Variants in CHST11 observed in about 807,000 individuals in gnomAD.
CHST11 encodes carbohydrate sulfotransferase 11, also known as C4S-1.
A neutral mutation model predicts 30.4 loss-of-function variants in CHST11; 9 were observed. The observed-to-expected ratio is 0.30, with a 90% CI of 0.18 to 0.52. The LOEUF is 0.52. Among genes scored for constraint, CHST11 ranks in the 20% least tolerant of loss-of-function variants. The probability of loss-of-function intolerance (pLI) is 0.97; values close to 1 mark genes in which losing one functional copy is unlikely to be tolerated. For missense variants in CHST11, 348 were observed against 460.6 expected (o/e 0.76, Z 2.24); for synonymous variants, 152 against 187.8 (o/e 0.81, Z 1.56).
chr12:104,457,437 T>A lies in CHST11; in HGVS notation c.26T>A (p.Met9Lys), dbSNP rs749410967. The change falls in exon 1 of 3, where the codon ATG becomes AAG. Residue 9 changes from methionine to lysine, a missense_variant. Met to Lys is a moderately conservative substitution (Grantham distance 95). Transcript: ENST00000303694. ...ATGAAGCCAGCGCTGCTGGAAGTGATGAGGATGAACAGAATCTGCCGGATG... is the reference window on the plus strand; with the variant it reads ...ATGAAGCCAGCGCTGCTGGAAGTGAAGAGGATGAACAGAATCTGCCGGATG... The part of the protein sequence containing the change: MKPALLEV[M>K]RMNRICRMVL... 25 of 1,614,006 alleles carry A rather than the reference T, an allele frequency of 1.5e-5. No individual in the cohort carries two copies. The highest frequency in any genetic ancestry group is 5.1e-6 in the Non-Finnish European group (6 of 1,179,944).
intron 2 of CHST11, among the ~76,000 whole-genome samples, chr12:104,742,448 G>A (rs375430993): frequency 2.4e-4 from 36 of 152,214 alleles, no homozygotes; most frequent in Middle Eastern, 3.4e-3. Context: ...TGCCAGCAGC[G>A]ACTTCCGAGG....
At chr12:104,609,769 G>A (rs1458464227) in intron 2 of CHST11, among the ~76,000 whole-genome samples, 3 of 152,208 alleles carry the variant, frequency 2.0e-5, no homozygotes, top group East Asian at 1.9e-4. Context: ...GTGTTAATCA[G>A]TAGCCATTCA....
rs960200557 is a variant in CHST11 at position 104,496,471 on chromosome 12, G to A, written c.118+38942G>A. ...TCCCCAAATCAGCTGTAATGTTTGT[G>A]TTGGATTATTGTATTAACAAATGCT... On this transcript the variant is annotated intron_variant, in intron 1 of 2. Coordinates refer to ENST00000303694, the MANE Select transcript of CHST11 (RefSeq NM_018413.6). Among the ~76,000 whole-genome samples, 10 of 152,324 alleles carry A rather than the reference G, an allele frequency of 6.6e-5. No homozygotes were observed. The East Asian group carries it at 1.2e-3, about 18-fold the overall frequency.
At chr12:104,532,542 A>G (rs1324747808) in intron 1 of CHST11, among the ~76,000 whole-genome samples, 1 of 152,056 alleles carries the variant, frequency 6.6e-6, no homozygotes, top group African/African-American at 2.4e-5. Context: ...CTCTCCAGGC[A>G]TGCCATCCTC....
intron 1 of CHST11, among the ~76,000 whole-genome samples, chr12:104,499,990 T>A (rs532665446): frequency 2.6e-5 from 4 of 152,244 alleles, no homozygotes; most frequent in Non-Finnish European, 5.9e-5. Context: ...TGTGGACTTT[T>A]AATCTGGCAC....
intron 2 of CHST11, among the ~76,000 whole-genome samples, chr12:104,667,107 TA>T (rs1488273450): frequency 6.6e-6 from 1 of 152,120 alleles, no homozygotes; most frequent in Non-Finnish European, 1.5e-5. Flanking sequence ...TTTTGAGAGG[TA>T]AGTGACCCTG....
chr12:104,651,676 A>G (rs1323966320), intron 2 of CHST11, among the ~76,000 whole-genome samples: 3 of 152,200 alleles, frequency 2.0e-5, no homozygotes, highest in Non-Finnish European at 4.4e-5. Context: ...AGAAGGTTCT[A>G]AGGAAACAAA....
At chr12:104,719,121 A>G (rs1343177773) in intron 2 of CHST11, among the ~76,000 whole-genome samples, 2 of 152,074 alleles carry the variant, frequency 1.3e-5, no homozygotes, top group Non-Finnish European at 2.9e-5. Flanking sequence ...CGCGGCCCCC[A>G]GGACTCTGCC....
At chr12:104,671,860 G>A (rs370742216) in intron 2 of CHST11, among the ~76,000 whole-genome samples, 1 of 152,184 alleles carries the variant, frequency 6.6e-6, no homozygotes, top group South Asian at 2.1e-4. Context: ...CCTTGTAGGC[G>A]TGTGGCATTG....
intron 2 of CHST11, among the ~76,000 whole-genome samples, chr12:104,641,005 A>C (rs563810347): frequency 6.6e-6 from 1 of 152,196 alleles, no homozygotes; most frequent in South Asian, 2.1e-4. Context: ...GCAGCTGGAC[A>C]TTGGAGACTA....
intron 1 of CHST11, among the ~76,000 whole-genome samples, chr12:104,599,782 G>A (rs1327077087): frequency 1.3e-5 from 2 of 152,170 alleles, no homozygotes; most frequent in African/African-American, 4.8e-5. Flanking sequence ...CAGTTCTCTA[G>A]GGCAAGGGTT....
intron 2 of CHST11, among the ~76,000 whole-genome samples, chr12:104,742,894 T>A (rs553787697): frequency 6.6e-6 from 1 of 152,218 alleles, no homozygotes; most frequent in Non-Finnish European, 1.5e-5. Context: ...GGGCTGAGAG[T>A]CCCCGCTCTT....
intron 2 of CHST11, among the ~76,000 whole-genome samples, chr12:104,719,477 G>A (rs1246695401): frequency 2.0e-5 from 3 of 152,158 alleles, no homozygotes; most frequent in African/African-American, 4.8e-5. Flanking sequence ...ACAGGTGCAC[G>A]CACACAGGGC....
rs181535967 is a variant in CHST11, at chr12:104,559,888, G to A, written c.119-42018G>A. 5.4e-3 allele frequency among the ~76,000 whole-genome samples: 818 copies of A among 152,346 alleles called. 7 individuals carry two copies. The highest frequency in any genetic ancestry group is 0.034 in the Middle Eastern group (10 of 294). ...GCTATAGGTTGGTGCAAAAGTAATT[G>A]TGGTTTTTGCCATTTTAAAAGTAGT... On this transcript the variant is annotated intron_variant, in intron 1 of 2. Coordinates refer to ENST00000303694, the MANE Select transcript of CHST11 (RefSeq NM_018413.6).
chr12:104,570,851 C>T lies in CHST11; in HGVS notation c.119-31055C>T, dbSNP rs189773202. Among the ~76,000 whole-genome samples, 167 of 152,120 alleles carry T rather than the reference C, an allele frequency of 1.1e-3. 2 individuals carry two copies. Among genetic ancestry groups the T allele is most frequent in the African/African-American group, 3.7e-3 (152 of 41,522 alleles). ...GATTACAGGCGCCTGTCACCACACC[C>T]GGCTATTTTTTGTATTTTTAGTAGA... On this transcript the variant is annotated intron_variant, in intron 1 of 2. Coordinates refer to ENST00000303694, the MANE Select transcript of CHST11 (RefSeq NM_018413.6).
chr12:104,613,624 C>T lies in CHST11; in HGVS notation c.204+11633C>T, dbSNP rs559317900. Reference sequence around the variant, plus strand: ...GCCATGTAAGATGTGCCTGCTTCCCCTTCGCCTTCTACCATGATTGTAACT... The same window carrying T: ...GCCATGTAAGATGTGCCTGCTTCCCTTTCGCCTTCTACCATGATTGTAACT... On this transcript the variant is annotated intron_variant, in intron 2 of 2. Transcript: ENST00000303694. Among the ~76,000 whole-genome samples the T allele has an allele frequency of 2.4e-3, 372 of 152,308 alleles. 2 individuals carry two copies. The highest frequency in any genetic ancestry group is 7.9e-3 in the African/African-American group (329 of 41,566).
intron 2 of CHST11, among the ~76,000 whole-genome samples, chr12:104,723,118 G>A (rs1044653099): frequency 2.0e-5 from 3 of 152,000 alleles, no homozygotes; most frequent in South Asian, 4.2e-4. Flanking sequence ...TGGTGTGAGC[G>A]TAGTATCACC....
intron 2 of CHST11, among the ~76,000 whole-genome samples, chr12:104,659,115 G>A (rs143537031): frequency 1.3e-5 from 2 of 152,346 alleles, no homozygotes; most frequent in African/African-American, 4.8e-5. Flanking sequence ...CAGAGGAATG[G>A]GTTCTAACAT....
At chr12:104,513,748 T>C (rs2037992968) in intron 1 of CHST11, among the ~76,000 whole-genome samples, 1 of 152,248 alleles carries the variant, frequency 6.6e-6, no homozygotes, top group Admixed American at 6.5e-5. Flanking sequence ...TTCACTGGAA[T>C]ACTCCCTGCT....
Sources: allele counts gnomAD v4.1 joint callset (sites outside exome capture counted in the v4.1 genomes callset), GRCh38; gene constraint gnomAD v4.1.1; transcripts MANE v1.5; gene names NCBI Gene and HGNC (gene_info 2026-07-23, HGNC 2026-07-21).